The following ATP11A variants were observed in gnomAD, a reference collection of about 807,000 sequenced individuals.
ATP11A encodes the protein phospholipid-transporting ATPase IH.
Under a neutral mutation model 154.4 loss-of-function variants are expected in ATP11A, and 81 were observed. The ratio of observed to expected loss-of-function variants is 0.52; its 90% CI spans 0.44 to 0.63. The LOEUF is 0.63. Ranked by LOEUF, ATP11A falls within the 30% of genes least tolerant of loss-of-function variation. The pLI is 0.00. For missense variants in ATP11A, 1,316 were observed against 1,474.3 expected, an observed-to-expected ratio of 0.89 and a Z score of 1.76; for synonymous variants, 623 against 585.9, an observed-to-expected ratio of 1.06 and a Z score of -0.91.
chr13:112,867,727 G>C (rs1422912971), intron 25 of ATP11A, among the ~76,000 whole-genome samples: 2 of 152,164 alleles, frequency 1.3e-5, no homozygotes, highest in Non-Finnish European at 2.9e-5. Context: ...AAGGTACCTT[G>C]AGCCCCCACG....
intron 5 of ATP11A, among the ~76,000 whole-genome samples, chr13:112,811,356 A>G (rs1238126006): frequency 6.6e-6 from 1 of 151,622 alleles, no homozygotes; most frequent in African/African-American, 2.4e-5. Flanking sequence ...ATCCCCACAC[A>G]CAGCCTCCCC....
chr13:112,816,042 A>G (rs774024732), intron 5 of ATP11A, 41 bp from the exon 6 acceptor site: 1 of 1,611,796 alleles, frequency 6.2e-7, no homozygotes, highest in African/African-American at 1.3e-5. Context: ...GCTTTCACGG[A>G]GGGGCTTTCC....
intron 29 of ATP11A, chr13:112,880,830 A>G (rs530912143): frequency 8.9e-7 from 1 of 1,129,570 alleles, no homozygotes; most frequent in East Asian, 7.0e-5. Flanking sequence ...GGGCAAGCTG[A>G]CCACACATGG....
chr13:112,843,766 C>T (rs1398506332), intron 17 of ATP11A, among the ~76,000 whole-genome samples: 1 of 152,190 alleles, frequency 6.6e-6, no homozygotes, highest in Non-Finnish European at 1.5e-5. Context: ...GCTCGCGAGC[C>T]CGTGCGTGCA....
intron 1 of ATP11A, among the ~76,000 whole-genome samples, chr13:112,772,874 C>G (rs898098466): frequency 1.3e-5 from 2 of 152,242 alleles, no homozygotes; most frequent in East Asian, 3.8e-4. Flanking sequence ...TCCGCCTTGT[C>G]TTTTCTATTT....
At position 112,863,099 on chromosome 13, in the gene ATP11A, T is replaced by C. The variant is rs1246008876; in HGVS notation, c.2991+524T>C. ...TCACCACCTGCACAGTAATTCAGCG[T>C]AGCACATGCAGTTTCCCAGCGGGGT... is the stretch of plus-strand genomic sequence containing the variant. On this transcript the variant is annotated intron_variant, in intron 25 of 29. Coordinates refer to ENST00000375645, the MANE Select transcript of ATP11A (RefSeq NM_015205.3). Among the ~76,000 whole-genome samples, 79 of 78,894 alleles carry C rather than the reference T, an allele frequency of 1.0e-3. 2 individuals carry two copies. Among genetic ancestry groups the C allele is most frequent in the African/African-American group, 3.2e-3 (64 of 20,166 alleles). 51.8% of individuals were successfully genotyped at this position (78,894 alleles called of 152,430 possible). A position where few individuals can be genotyped will look rare whatever the true frequency, so the allele number is the denominator to read the frequency against.
At chr13:112,761,098 C>G (rs930198575) in intron 1 of ATP11A, among the ~76,000 whole-genome samples, 1 of 152,188 alleles carries the variant, frequency 6.6e-6, no homozygotes, top group Non-Finnish European at 1.5e-5. Context: ...TCCAGCGTCT[C>G]CAGGCTGCGG....
chr13:112,744,117 G>T (rs1365556245), intron 1 of ATP11A, among the ~76,000 whole-genome samples: 13 of 152,208 alleles, frequency 8.5e-5, no homozygotes, highest in Non-Finnish European at 1.9e-4. Flanking sequence ...TCCTCTTCAC[G>T]CATTTGTCAG....
intron 1 of ATP11A, among the ~76,000 whole-genome samples, chr13:112,715,839 G>A (rs546609236): frequency 1.3e-5 from 2 of 152,020 alleles, no homozygotes; most frequent in South Asian, 4.2e-4. Flanking sequence ...ACACCTCTGG[G>A]GGCCGGGGAA....
At position 112,807,478 on chromosome 13, in the gene ATP11A, G is replaced by A. The variant is rs190564247; in HGVS notation, c.333+1185G>A. Among the ~76,000 whole-genome samples, 416 of 152,334 alleles carry A rather than the reference G, an allele frequency of 2.7e-3. 3 individuals are homozygous for A. The highest frequency in any genetic ancestry group is 4.4e-3 in the Non-Finnish European group (300 of 68,026). On this transcript the variant is annotated intron_variant, in intron 4 of 29. Coordinates refer to ENST00000375645, the MANE Select transcript of ATP11A (RefSeq NM_015205.3). The surrounding 1 kb of genome is among the most constrained non-coding windows in gnomAD (Gnocchi z 4.5). The stretch of plus-strand genomic sequence containing the variant: ...ACAGCACAGTAACGAAACGAACTGT[G>A]CTGCCTGGAGAACAGAACATGAGGG...
chr13:112,845,960 T>C lies in ATP11A; in HGVS notation c.1809+3581T>C, dbSNP rs150642191. Among the ~76,000 whole-genome samples, 938 of 152,286 alleles carry C rather than the reference T, an allele frequency of 6.2e-3. 11 individuals carry two copies. Among genetic ancestry groups the C allele is most frequent in the African/African-American group, 0.021 (871 of 41,550 alleles). On this transcript the variant is annotated intron_variant, in intron 17 of 29. Coordinates refer to ENST00000375645, the MANE Select transcript of ATP11A (RefSeq NM_015205.3). ...CTTCCGCCTGTTGGCAGACATTGGG[T>C]TGTTTCCAGTTGGGGCTGTTTTGGA...
In ATP11A at chr13:112,697,140, C is replaced by G. The variant is rs921104059; in HGVS notation, c.39+6685C>G. On this transcript the variant is annotated intron_variant, in intron 1 of 29. Coordinates refer to ENST00000375645, the MANE Select transcript of ATP11A (RefSeq NM_015205.3). This position sits in a 1 kb window ranked among gnomAD's most constrained non-coding sequence, Gnocchi z 4.0. ...CAGCAGCCTCTGGGAGCCCTGGGGC[C>G]TTCCGTGGGCTGCTTCCTGTGGCGT... 6.6e-6 allele frequency among the ~76,000 whole-genome samples: 1 copy of G among 152,288 alleles called. No homozygotes were observed.
chr13:112,736,092 G>A (rs1890978766), intron 1 of ATP11A, among the ~76,000 whole-genome samples: 1 of 152,230 alleles, frequency 6.6e-6, no homozygotes, highest in Non-Finnish European at 1.5e-5. Context: ...TGCTTAAGGA[G>A]CGCACAGGTG....
At chr13:112,843,732 C>T (rs1044483415) in intron 17 of ATP11A, among the ~76,000 whole-genome samples, 3 of 152,210 alleles carry the variant, frequency 2.0e-5, no homozygotes, top group African/African-American at 7.2e-5. Context: ...TTAAGAATTC[C>T]TGCCGATGGA....
chr13:112,789,344 G>A (rs1197403495), intron 2 of ATP11A, among the ~76,000 whole-genome samples: 4 of 148,876 alleles, frequency 2.7e-5, no homozygotes, highest in South Asian at 4.3e-4. Flanking sequence ...AATTCACACC[G>A]AGTGTCCTGA....
At chr13:112,814,206 GGCGTGCACCACCAT>G (rs2078580630) in intron 5 of ATP11A, among the ~76,000 whole-genome samples, 2 of 152,088 alleles carry the variant, frequency 1.3e-5, no homozygotes, top group African/African-American at 4.8e-5. Flanking sequence ...TGGGATTACA[GGCGTGCACCACCAT>G]GCCTGTCTAA....
rs117119219 is a variant in ATP11A at position 112,709,927 on chromosome 13, C to T, written c.39+19472C>T. On this transcript the variant is annotated intron_variant, in intron 1 of 29. Transcript: ENST00000375645. ...CCCATGAGGGCATAGCCCAGTTAGG[C>T]CGCGCTGCTCCCTGCTGCTGACCAG... is the stretch of plus-strand genomic sequence containing the variant. 1.4e-3 allele frequency among the ~76,000 whole-genome samples: 216 copies of T among 152,396 alleles called. 7 individuals carry two copies. The East Asian group carries it at 0.036, about 25-fold the overall frequency.
chr13:112,748,933 T>C (rs1441494293), intron 1 of ATP11A, among the ~76,000 whole-genome samples: 2 of 152,198 alleles, frequency 1.3e-5, no homozygotes, highest in African/African-American at 4.8e-5. Context: ...ACTGCCGCCC[T>C]TTGCGGCTAT....
At chr13:112,729,058 G>A (rs79652404) in intron 1 of ATP11A, among the ~76,000 whole-genome samples, 1 of 152,332 alleles carries the variant, frequency 6.6e-6, no homozygotes, top group East Asian at 1.9e-4. Context: ...CAAAGGCTTT[G>A]TTCTCTGTTG....
Sources: gnomAD v4.1 joint callset for allele counts (sites outside exome capture counted in the v4.1 genomes callset) on GRCh38, gnomAD v4.1.1 for gene constraint, Gnocchi (gnomAD v3.1) non-coding constraint, MANE v1.5 for transcripts, NCBI Gene and HGNC (gene_info 2026-07-23, HGNC 2026-07-21) for gene names.